Variants in COL5A2 observed in about 807,000 individuals in gnomAD.
COL5A2 encodes the protein collagen alpha-2(V) chain.
Under a neutral mutation model 208.2 loss-of-function variants are expected in COL5A2, and 23 were observed. The ratio of observed to expected loss-of-function variants is 0.11; its 90% CI spans 0.08 to 0.16. COL5A2 has a LOEUF of 0.16. Among genes scored for constraint, COL5A2 ranks in the 10% least tolerant of loss-of-function variants. The pLI is 1.00. For synonymous variants in COL5A2, 625 were observed against 628.5 expected (o/e 0.99, Z 0.08); for missense variants, 1,590 against 1,956.4 (o/e 0.81, Z 3.53).
chr2:189,236,427 A>T, the COL5A2 span, among the ~76,000 whole-genome samples: 1 of 151,822 alleles, frequency 6.6e-6, no homozygotes, highest in Non-Finnish European at 1.5e-5. Flanking sequence ...TATGTTCATC[A>T]CTACTAAATA....
At chr2:189,110,796 G>A (rs1432576457) in intron 1 of COL5A2, among the ~76,000 whole-genome samples, 1 of 152,222 alleles carries the variant, frequency 6.6e-6, no homozygotes, top group East Asian at 1.9e-4. Flanking sequence ...TGAAAATGGG[G>A]AGAAAATGAA....
intron 50 of COL5A2, 133 bp downstream of exon 50, chr2:189,041,453 C>T: frequency 1.3e-6 from 1 of 764,858 alleles, no homozygotes; most frequent in African/African-American, 1.7e-5. Context: ...TACTTATACT[C>T]TTGTGTGACT....
At chr2:189,094,902 G>A (rs1313109030) in intron 6 of COL5A2, among the ~76,000 whole-genome samples, 1 of 151,290 alleles carries the variant, frequency 6.6e-6, no homozygotes, top group African/African-American at 2.4e-5. Context: ...CTGAACTACT[G>A]ACATACTAGT....
intron 1 of COL5A2, among the ~76,000 whole-genome samples, chr2:189,193,092 T>C (rs1184256402): frequency 1.3e-5 from 2 of 152,232 alleles, no homozygotes; most frequent in East Asian, 3.9e-4. Flanking sequence ...CCCCTTGATC[T>C]TGGATTTCTC....
chr2:189,244,932 T>C, the COL5A2 span, among the ~76,000 whole-genome samples: 2 of 152,136 alleles, frequency 1.3e-5, no homozygotes, highest in African/African-American at 4.8e-5. Context: ...GCGGAAGGCA[T>C]GGAGGAGCAA....
intron 7 of COL5A2, 86 bp downstream of exon 7, chr2:189,092,224 G>A (rs1309822322): frequency 1.2e-5 from 11 of 891,446 alleles, no homozygotes; most frequent in African/African-American, 3.3e-5. Context: ...GTCAATATCT[G>A]AACAGACACA....
the COL5A2 span, among the ~76,000 whole-genome samples, chr2:189,235,711 C>T: frequency 6.6e-6 from 1 of 151,610 alleles, no homozygotes; most frequent in Non-Finnish European, 1.5e-5. Flanking sequence ...CTGTTCCATT[C>T]GACTGCTCTT....
chr2:189,257,638 G>A, the COL5A2 span, among the ~76,000 whole-genome samples: 25 of 152,088 alleles, frequency 1.6e-4, no homozygotes, highest in Non-Finnish European at 3.1e-4. Context: ...GTGATATGCA[G>A]GGAAATGGGC....
rs2105575372 is a variant in COL5A2, at chr2:189,057,393, G to C, written c.2264C>G (p.Thr755Arg). 6 of 1,612,936 alleles carry C rather than the reference G, an allele frequency of 3.7e-6. No individual in the cohort carries two copies. Among genetic ancestry groups the C allele is most frequent in the Non-Finnish European group, 5.1e-6 (6 of 1,179,790 alleles). Residue 755 changes from threonine (T) to arginine (R), a missense_variant, in exon 34 of 54, where the codon ACA (threonine) becomes AGA (arginine). By Grantham distance (71) the Thr-to-Arg change is moderately conservative. Coordinates refer to ENST00000374866, the MANE Select transcript of COL5A2 (RefSeq NM_000393.5). ...SPGPSGTPGDTGPPGLQGMPG... is the reference protein window; with the variant it reads ...SPGPSGTPGDRGPPGLQGMPG... ...CATACCTTGAAGACCTGGTGGGCCTGTATCTCCAGGGGTCCCAGATGGACC... is the reference window on the plus strand; with the variant it reads ...CATACCTTGAAGACCTGGTGGGCCTCTATCTCCAGGGGTCCCAGATGGACC...
intron 1 of COL5A2, among the ~76,000 whole-genome samples, chr2:189,154,346 G>A (rs1688202823): frequency 6.6e-6 from 1 of 152,156 alleles, no homozygotes; most frequent in Non-Finnish European, 1.5e-5. Flanking sequence ...TTATTCACAG[G>A]ACTTAACAAG....
intron 31 of COL5A2, among the ~76,000 whole-genome samples, chr2:189,059,921 TGAA>T (rs1460858790): frequency 6.6e-6 from 1 of 152,048 alleles, no homozygotes; most frequent in Non-Finnish European, 1.5e-5. Context: ...ACTCTAATGA[TGAA>T]GAACAAATTA....
chr2:189,121,704 T>C (rs1487379311), intron 1 of COL5A2, among the ~76,000 whole-genome samples: 1 of 114,278 alleles, frequency 8.8e-6, no homozygotes, highest in Admixed American at 1.3e-4. Flanking sequence ...ACCACTGCAC[T>C]CCAGCCTGGG....
chr2:189,041,626 G>A lies in COL5A2; in HGVS notation c.3593C>T (p.Pro1198Leu), dbSNP rs1196413199. The A allele has an allele frequency of 1.2e-6, 2 of 1,613,932 alleles. No homozygotes were observed. The highest frequency in any genetic ancestry group is 1.3e-5 in the African/African-American group (1 of 74,918). ...TCCTACACTGCCTCGTACACCTGGAGGTCCAATTGGCCCAAGTGGCCCAGG... is the reference window on the plus strand; with the variant it reads ...TCCTACACTGCCTCGTACACCTGGAAGTCCAATTGGCCCAAGTGGCCCAGG... ...GNPGPLGPIG[P>L]PGVRGSVGEA... The change falls in exon 50 of 54, where the codon CCT becomes CTT. Residue 1198 changes from proline (P) to leucine (L), a missense_variant. Physicochemically the swap from Pro to Leu is moderately conservative, Grantham distance 98 (BLOSUM62 -3). Transcript: ENST00000374866.
chr2:189,051,710 T>G (rs1685793281), intron 41 of COL5A2, among the ~76,000 whole-genome samples: 1 of 152,208 alleles, frequency 6.6e-6, no homozygotes, highest in Non-Finnish European at 1.5e-5. Context: ...GTCAATTCCC[T>G]TTGAATAATT....
intron 10 of COL5A2, 97 bp from the exon 11 acceptor site, chr2:189,085,310 C>A: frequency 9.8e-7 from 1 of 1,016,724 alleles, no homozygotes; most frequent in Non-Finnish European, 1.5e-6. Flanking sequence ...AAATGTCAAA[C>A]TATTATTGAA....
At chr2:189,084,551 G>C (rs558231259) in intron 11 of COL5A2, among the ~76,000 whole-genome samples, 5 of 151,912 alleles carry the variant, frequency 3.3e-5, no homozygotes, top group Admixed American at 1.3e-4. Flanking sequence ...ATTAATACTT[G>C]GTTTAGTATC....
At chr2:189,323,861 C>A in the COL5A2 span, among the ~76,000 whole-genome samples, 1 of 152,142 alleles carries the variant, frequency 6.6e-6, no homozygotes, top group Non-Finnish European at 1.5e-5. Flanking sequence ...CCTGCATTGC[C>A]AAGTCAATAC....
At chr2:189,393,298 AAAAT>A in the COL5A2 span, among the ~76,000 whole-genome samples, 1 of 152,296 alleles carries the variant, frequency 6.6e-6, no homozygotes, top group Non-Finnish European at 1.5e-5. Context: ...TTCTTTTAAA[AAAAT>A]AAGTAAAATT....
At chr2:189,053,351 T>A in intron 38 of COL5A2, 73 bp downstream of exon 38, 1 of 1,324,818 alleles carries the variant, frequency 7.5e-7, no homozygotes, top group Non-Finnish European at 1.1e-6. Context: ...TCAAAACATA[T>A]GACAATGATC....
Sources: allele counts gnomAD v4.1 joint callset (sites outside exome capture counted in the v4.1 genomes callset), GRCh38; gene constraint gnomAD v4.1.1; transcripts MANE v1.5; gene names NCBI Gene and HGNC (gene_info 2026-07-23, HGNC 2026-07-21).